Variants in ENTPD3 observed in about 807,000 individuals in gnomAD.
ENTPD3 encodes the protein CD39 antigen-like 3.
A neutral mutation model predicts 51.2 loss-of-function variants in ENTPD3; 60 were observed. The observed-to-expected ratio is 1.17, with a 90% CI of 0.95 to 1.45. ENTPD3 has a LOEUF of 1.45. Ranked by LOEUF, ENTPD3 falls within the 40% of genes most tolerant of loss-of-function variation. The pLI is 0.00. For missense variants in ENTPD3, 593 were observed against 641.1 expected, an observed-to-expected ratio of 0.93 and a Z score of 0.81; for synonymous variants, 221 against 238.4, an observed-to-expected ratio of 0.93 and a Z score of 0.67.
chr3:40,400,651 T>C (rs561141176), intron 3 of ENTPD3, among the ~76,000 whole-genome samples: 2 of 152,268 alleles, frequency 1.3e-5, no homozygotes, highest in Admixed American at 1.3e-4. Context: ...GCTCTCCAGG[T>C]GATTCTAATG....
At chr3:40,421,734 T>C (rs1227070136) in intron 7 of ENTPD3, among the ~76,000 whole-genome samples, 2 of 152,152 alleles carry the variant, frequency 1.3e-5, no homozygotes, top group Admixed American at 6.5e-5. Context: ...CTCAAAGATA[T>C]ATAATTTTAA....
At position 40,423,893 on chromosome 3, in the gene ENTPD3, T is replaced by A. The variant is rs752532416; in HGVS notation, c.1283T>A (p.Ile428Asn). ...TCTTACTGCTTCTCAGCCAACTACA[T>A]CTACCACTTGTTTGTGAACGGTTAC... is the stretch of plus-strand genomic sequence containing the variant. Reference protein sequence around the residue: ...ARSYCFSANYIYHLFVNGYKF... With the variant: ...ARSYCFSANYNYHLFVNGYKF... The change falls in exon 10 of 11, where the codon ATC becomes AAC. Residue 428 changes from isoleucine (I) to asparagine (N), a missense_variant. By Grantham distance (149) the Ile-to-Asn change is moderately radical (BLOSUM62 -3). Coordinates refer to ENST00000301825, the MANE Select transcript of ENTPD3 (RefSeq NM_001248.4). The A allele has an allele frequency of 1.9e-5, 31 of 1,614,052 alleles. No homozygotes were observed. In the Middle Eastern group the frequency reaches 8.2e-4, roughly 43 times the overall value.
rs1343367813 is a variant in ENTPD3 at position 40,388,572 on chromosome 3, GCACACACACACAGACACACACACA to G, written c.40+488_40+511del. On this transcript the variant is annotated intron_variant, in intron 2 of 10. Transcript: ENST00000301825. ...GTGCAGGATTTTCTCACACTGGAAG[GCACACACACACAGACACACACACA>G]CACACACACACACACACACACACAC... Among the ~76,000 whole-genome samples, 94 of 94,132 alleles carry G rather than the reference GCACACACACACAGACACACACACA, an allele frequency of 1.0e-3. No individual in the cohort carries two copies. In the East Asian group the frequency reaches 0.024, roughly 25 times the overall value. The allele number at this position is 94,132 out of a possible 152,430, so 61.8% of individuals were successfully genotyped here.
chr3:40,419,121 A>G (rs894584940), intron 7 of ENTPD3, among the ~76,000 whole-genome samples: 3 of 152,176 alleles, frequency 2.0e-5, no homozygotes, highest in Admixed American at 6.5e-5. Context: ...CCCATAATTT[A>G]TCAATCATAC....
In ENTPD3 at chr3:40,395,409, T is replaced by G. The variant is rs569027796; in HGVS notation, c.168+3259T>G. 2.6e-5 allele frequency among the ~76,000 whole-genome samples: 4 copies of G among 152,238 alleles called. No homozygotes were observed. The South Asian group carries it at 8.3e-4, about 32-fold the overall frequency. ...CCACACATGTTGAATGCTACTGTCT[T>G]AGGTTGGGCTCTCCAAGTCAAAGAC... On this transcript the variant is annotated intron_variant, in intron 3 of 10. Coordinates refer to ENST00000301825, the MANE Select transcript of ENTPD3 (RefSeq NM_001248.4).
chr3:40,389,060 T>C (rs895868800), intron 2 of ENTPD3, among the ~76,000 whole-genome samples: 1 of 152,208 alleles, frequency 6.6e-6, no homozygotes, highest in African/African-American at 2.4e-5. Context: ...ACTTTTATTT[T>C]TGTAAAGGGA....
At chr3:40,412,055 A>G in intron 5 of ENTPD3, 93 bp downstream of exon 5, 1 of 1,246,160 alleles carries the variant, frequency 8.0e-7, no homozygotes, top group South Asian at 2.5e-5. Context: ...TTCTGGGAAC[A>G]ACCCTCGCCC....
Position 40,388,079 on chromosome 3 carries a change from C to A in ENTPD3, c.22C>A (p.Gln8Lys), listed in dbSNP as rs1196256462. The A allele has an allele frequency of 1.9e-6, 3 of 1,614,120 alleles. No individual in the cohort carries two copies. The highest frequency in any genetic ancestry group is 1.7e-6 in the Non-Finnish European group (2 of 1,180,014). Residue 8 changes from glutamine (Q) to lysine (K), a missense_variant, in exon 2 of 11, where the codon CAA (glutamine) becomes AAA (lysine). Gln to Lys is a moderately conservative substitution (Grantham distance 53). Coordinates refer to ENST00000301825, the MANE Select transcript of ENTPD3 (RefSeq NM_001248.4). Reference sequence around the variant, plus strand: ...AAAGATGTTCACTGTGCTGACCCGCCAACCATGTGAGCAAGCAGGTTAGTA... The same window carrying A: ...AAAGATGTTCACTGTGCTGACCCGCAAACCATGTGAGCAAGCAGGTTAGTA... Reference protein sequence around the residue: MFTVLTRQPCEQAGLKAL... With the variant: MFTVLTRKPCEQAGLKAL...
chr3:40,414,177 TCATG>T (rs1218645287), intron 5 of ENTPD3, among the ~76,000 whole-genome samples: 2 of 152,206 alleles, frequency 1.3e-5, no homozygotes, highest in Non-Finnish European at 1.5e-5. Flanking sequence ...TCATATCCCT[TCATG>T]CTGAAGCCCT....
intron 4 of ENTPD3, 99 bp from the exon 5 acceptor site, chr3:40,411,713 C>T: frequency 7.5e-7 from 1 of 1,332,506 alleles, no homozygotes; most frequent in Non-Finnish European, 1.0e-6. Flanking sequence ...CCTACCAAAC[C>T]CCAATAATTT....
chr3:40,401,904 T>G (rs1181939627), intron 4 of ENTPD3, among the ~76,000 whole-genome samples: 1 of 152,200 alleles, frequency 6.6e-6, no homozygotes, highest in Non-Finnish European at 1.5e-5. Context: ...CCACAACATA[T>G]TCTGAGTTTT....
At chr3:40,397,410 C>T (rs1955231725) in intron 3 of ENTPD3, among the ~76,000 whole-genome samples, 1 of 151,896 alleles carries the variant, frequency 6.6e-6, no homozygotes, top group African/African-American at 2.4e-5. Context: ...GTTTTAGAGT[C>T]CGTTAGACTC....
chr3:40,419,500 T>C (rs2125608515), intron 7 of ENTPD3, among the ~76,000 whole-genome samples: 1 of 152,316 alleles, frequency 6.6e-6, no homozygotes, highest in African/African-American at 2.4e-5. Context: ...GAGGTTTATT[T>C]TGAACTTCAA....
chr3:40,387,447 T>G (rs11714871), intron 1 of ENTPD3, 186 bp downstream of exon 1: 64,768 of 152,208 alleles, frequency 0.43, 15,143 homozygotes, highest in African/African-American at 0.62. Context: ...CCACGACGGG[T>G]GGGCGCGTCT....
intron 3 of ENTPD3, among the ~76,000 whole-genome samples, chr3:40,393,540 C>A (rs935600731): frequency 2.6e-5 from 4 of 152,062 alleles, no homozygotes; most frequent in African/African-American, 9.7e-5. Flanking sequence ...TCTAAGGCAG[C>A]TTTTCTAAAA....
intron 4 of ENTPD3, among the ~76,000 whole-genome samples, chr3:40,410,238 C>T (rs1298013557): frequency 3.3e-5 from 5 of 152,010 alleles, no homozygotes; most frequent in Non-Finnish European, 5.9e-5. Flanking sequence ...GCCAGGAGTT[C>T]GAGACCAGCC....
At chr3:40,404,828 T>C (rs1955453879) in intron 4 of ENTPD3, among the ~76,000 whole-genome samples, 1 of 151,976 alleles carries the variant, frequency 6.6e-6, no homozygotes, top group Non-Finnish European at 1.5e-5. Flanking sequence ...CAGAAGGGGG[T>C]GATGAATGCT....
intron 7 of ENTPD3, among the ~76,000 whole-genome samples, chr3:40,417,347 C>T (rs1046291241): frequency 6.6e-6 from 1 of 152,178 alleles, no homozygotes; most frequent in Admixed American, 6.5e-5. Flanking sequence ...TCTAGGGAGG[C>T]TTCAGGAAAC....
intron 3 of ENTPD3, among the ~76,000 whole-genome samples, chr3:40,395,585 G>A (rs887842708): frequency 1.3e-5 from 2 of 152,180 alleles, no homozygotes; most frequent in African/African-American, 2.4e-5. Context: ...GAGACCCTGT[G>A]AGCTGGTACA....
Sources: gnomAD v4.1 joint callset for allele counts (sites outside exome capture counted in the v4.1 genomes callset) on GRCh38, gnomAD v4.1.1 for gene constraint, MANE v1.5 for transcripts, NCBI Gene and HGNC (gene_info 2026-07-23, HGNC 2026-07-21) for gene names.